Variants in A2M observed in about 807,000 individuals in gnomAD.
The protein encoded by A2M is alpha-2-macroglobulin, also known as C3 and PZP-like alpha-2-macroglobulin domain-containing protein 5.
Under a neutral mutation model 183.9 loss-of-function variants are expected in A2M, and 128 were observed. The observed-to-expected ratio is 0.70, with a 90% CI of 0.60 to 0.81. The LOEUF (loss-of-function observed/expected upper bound fraction) is 0.81. Among genes scored for constraint, A2M ranks in the 30% least tolerant of loss-of-function variants. The pLI is 0.00. For missense variants in A2M, 1,495 were observed against 1,787.6 expected, an observed-to-expected ratio of 0.84 and a Z score of 2.95; for synonymous variants, 592 against 670.8, an observed-to-expected ratio of 0.88 and a Z score of 1.81.
intron 22 of A2M, among the ~76,000 whole-genome samples, chr12:9,087,449 C>A (rs1180693968): frequency 6.6e-6 from 1 of 152,078 alleles, no homozygotes; most frequent in Non-Finnish European, 1.5e-5. Context: ...TATGTGGAAG[C>A]TAAAACATTC....
At chr12:9,073,564 T>C (rs1948645365) in intron 29 of A2M, among the ~76,000 whole-genome samples, 1 of 152,196 alleles carries the variant, frequency 6.6e-6, no homozygotes. Context: ...GTTTTTTTCA[T>C]TCATATGATA....
chr12:9,067,761 C>A lies in A2M; in HGVS notation c.*62G>T. On this transcript the variant is annotated 3_prime_UTR_variant, in exon 36 of 36. Transcript: ENST00000318602. ...TCAAGTCTTTAAAGATACAAAAACA[C>A]GTGTCTTCTGTGGAGCTCTGAGAAC... is the stretch of plus-strand genomic sequence containing the variant. 1 of 1,516,612 alleles carries A rather than the reference C, an allele frequency of 6.6e-7. No individual in the cohort carries two copies. Among genetic ancestry groups the A allele is most frequent in the Non-Finnish European group, 9.1e-7 (1 of 1,095,472 alleles). The allele number at this position is 1,516,612 out of a possible 1,614,324, so 93.9% of individuals were successfully genotyped here. A position where few individuals can be genotyped will look rare whatever the true frequency, so the allele number is the denominator to read the frequency against.
rs12306389 is a variant in A2M, at chr12:9,089,535, G to A, written c.2719-284C>T. On this transcript the variant is annotated intron_variant, in intron 21 of 35. Coordinates refer to ENST00000318602, the MANE Select transcript of A2M (RefSeq NM_000014.6). ...GTGGGCAGATCACTTGAGGCCAGGA[G>A]TTCGAGACCAGCCTGGCCAACGTGG... Among the ~76,000 whole-genome samples, 723 of 152,242 alleles carry A rather than the reference G, an allele frequency of 4.7e-3. 9 individuals carry two copies. The highest frequency in any genetic ancestry group is 0.016 in the African/African-American group (685 of 41,552).
chr12:9,068,726 T>C lies in A2M; in HGVS notation c.4366+14A>G, dbSNP rs779354961. On this transcript the variant is annotated intron_variant, in intron 34 of 35. Coordinates refer to ENST00000318602, the MANE Select transcript of A2M (RefSeq NM_000014.6). The stretch of plus-strand genomic sequence containing the variant: ...GGAATTAAATATTTCTACGTGAAAA[T>C]CACTCTCACTCACCCGTCTCGTAGT... 3.2e-6 allele frequency: 5 copies of C among 1,565,686 alleles called. No homozygotes were observed. Among genetic ancestry groups the C allele is most frequent in the Non-Finnish European group, 4.4e-6 (5 of 1,146,130 alleles).
intron 34 of A2M, 27 bp from the exon 35 acceptor site, chr12:9,068,251 C>T: frequency 1.3e-6 from 2 of 1,595,318 alleles, no homozygotes; most frequent in Non-Finnish European, 1.7e-6. Flanking sequence ...CAACAAAAAA[C>T]CAGAAATCAT....
chr12:9,079,585 G>T, intron 24 of A2M, 54 bp downstream of exon 24: 1 of 1,528,174 alleles, frequency 6.5e-7, no homozygotes, highest in South Asian at 1.2e-5. Flanking sequence ...AAACCTACTG[G>T]GAAATCCAGT....
At chr12:9,084,779 A>G (rs1443402820) in intron 22 of A2M, among the ~76,000 whole-genome samples, 2 of 152,178 alleles carry the variant, frequency 1.3e-5, no homozygotes, top group Non-Finnish European at 2.9e-5. Flanking sequence ...TGCTAATTAC[A>G]AGAGACTCAC....
At chr12:9,113,337 T>G (rs1241507373) in intron 2 of A2M, 23 bp downstream of exon 2, 10 of 1,611,032 alleles carry the variant, frequency 6.2e-6, no homozygotes, top group Non-Finnish European at 5.1e-6. Flanking sequence ...ACCAAGTATA[T>G]TAAGTCAAAC....
At chr12:9,077,442 C>G (rs2377682) in intron 26 of A2M, 22 bp from the exon 27 acceptor site, 3 of 1,598,992 alleles carry the variant, frequency 1.9e-6, no homozygotes, top group African/African-American at 2.7e-5. Context: ...AGAGAGAGAT[C>G]TGAATAATTC....
chr12:9,091,149 T>G (rs1949199694), intron 19 of A2M, 52 bp downstream of exon 19: 2 of 1,580,504 alleles, frequency 1.3e-6, no homozygotes, highest in Admixed American at 1.7e-5. Context: ...GAATGCAACT[T>G]TTAATTTACT....
In A2M at chr12:9,076,926, A is replaced by C; in HGVS notation, c.3362T>G (p.Val1121Gly). The change falls in exon 28 of 36, where the codon GTC becomes GGC. Residue 1121 changes from valine (V) to glycine (G), a missense_variant. By Grantham distance (109) the Val-to-Gly change is moderately radical. Coordinates refer to ENST00000318602, the MANE Select transcript of A2M (RefSeq NM_000014.6). ...EIPLTVTHPVVRNALFCLESA... is the reference protein window; with the variant it reads ...EIPLTVTHPVGRNALFCLESA... ...CTCCAGGCAAAACAGGGCATTGCGGACAACAGGGTGCTGTGAAGGCAGAAC... is the reference window on the plus strand; with the variant it reads ...CTCCAGGCAAAACAGGGCATTGCGGCCAACAGGGTGCTGTGAAGGCAGAAC... The C allele has an allele frequency of 6.3e-7, 1 of 1,593,212 alleles. No homozygotes were observed. Among genetic ancestry groups the C allele is most frequent in the Non-Finnish European group, 8.6e-7 (1 of 1,168,870 alleles).
At chr12:9,084,872 G>A (rs1367391565) in intron 22 of A2M, among the ~76,000 whole-genome samples, 1 of 151,988 alleles carries the variant, frequency 6.6e-6, no homozygotes, top group Non-Finnish European at 1.5e-5. Flanking sequence ...AAGAGAGCAG[G>A]GGTAGCTATA....
intron 20 of A2M, 27 bp from the exon 21 acceptor site, chr12:9,090,050 A>T: frequency 6.3e-7 from 1 of 1,579,540 alleles, no homozygotes; most frequent in South Asian, 1.2e-5. Flanking sequence ...GTAGAAATGA[A>T]TAGCATCTTC....
chr12:9,103,118 G>A (rs188016437), intron 11 of A2M, among the ~76,000 whole-genome samples: 1 of 152,144 alleles, frequency 6.6e-6, no homozygotes, highest in Admixed American at 6.5e-5. Flanking sequence ...AATAAAGTAA[G>A]GTAATAATTT....
intron 22 of A2M, among the ~76,000 whole-genome samples, chr12:9,082,023 C>T (rs1371517412): frequency 6.6e-6 from 1 of 152,196 alleles, no homozygotes; most frequent in Non-Finnish European, 1.5e-5. Flanking sequence ...GTAAGCCCAG[C>T]TTCAGAGGTT....
Position 9,105,683 on chromosome 12 carries a change from C to T in A2M, c.1104+553G>A, listed in dbSNP as rs145338680. 1.5e-3 allele frequency among the ~76,000 whole-genome samples: 224 copies of T among 152,132 alleles called. 1 individual carries two copies. The highest frequency in any genetic ancestry group is 5.2e-3 in the African/African-American group (215 of 41,508). ...AATTCATAATTCAAAAATCTGAGAA[C>T]CTTAAATAGCAGTGTTTTACCCCAT... On this transcript the variant is annotated intron_variant, in intron 10 of 35. Transcript: ENST00000318602.
chr12:9,114,868 AC>A (rs1324927086), intron 1 of A2M, among the ~76,000 whole-genome samples: 2 of 152,184 alleles, frequency 1.3e-5, no homozygotes, highest in Non-Finnish European at 2.9e-5. Flanking sequence ...CTTGTATATA[AC>A]TGATCAAAAC....
intron 25 of A2M, 134 bp downstream of exon 25, chr12:9,079,107 TTGG>T (rs1297847505): frequency 6.5e-6 from 4 of 620,058 alleles, no homozygotes; most frequent in Non-Finnish European, 1.1e-5. Flanking sequence ...CTTGCTAATC[TTGG>T]TGGATTTATC....
chr12:9,074,457 T>TA, intron 29 of A2M, 103 bp downstream of exon 29: 1 of 1,141,558 alleles, frequency 8.8e-7, no homozygotes, highest in South Asian at 1.6e-5. Context: ...CATTTCAAGT[T>TA]ACTGTCATCT....
Sources: gnomAD v4.1 joint callset for allele counts (sites outside exome capture counted in the v4.1 genomes callset) on GRCh38, gnomAD v4.1.1 for gene constraint, MANE v1.5 for transcripts, NCBI Gene and HGNC (gene_info 2026-07-23, HGNC 2026-07-21) for gene names.